CA10: variants seen among roughly 807,000 people sequenced by gnomAD.
The protein encoded by CA10 is carbonic anhydrase-related protein 10.
CA10 carries 14 observed loss-of-function variants against 44.2 expected under a neutral mutation model. That is an observed-to-expected ratio of 0.32 (90% CI 0.21 to 0.50). CA10 has a LOEUF of 0.50. Ranked by LOEUF, CA10 falls within the 20% of genes least tolerant of loss-of-function variation. The probability of loss-of-function intolerance (pLI) is 0.99; values close to 1 mark genes in which losing one functional copy is unlikely to be tolerated. For synonymous variants in CA10, 159 were observed against 141.6 expected (o/e 1.12, Z -0.87); for missense variants, 350 against 409.7 (o/e 0.85, Z 1.26).
intron 2 of CA10, among the ~76,000 whole-genome samples, chr17:52,009,211 T>C (rs867015668): frequency 1.3e-5 from 2 of 151,932 alleles, no homozygotes; most frequent in South Asian, 2.1e-4. Context: ...CGTGTCTCTT[T>C]TATGCCACTT....
In CA10 at chr17:51,776,175, C is replaced by T. The variant is rs143598675; in HGVS notation, c.280-28357G>A. Among the ~76,000 whole-genome samples, 121 of 152,190 alleles carry T rather than the reference C, an allele frequency of 8.0e-4. 1 individual carries two copies. Among genetic ancestry groups the T allele is most frequent in the African/African-American group, 2.2e-3 (92 of 41,524 alleles). On this transcript the variant is annotated intron_variant, in intron 3 of 8. Coordinates refer to ENST00000451037, the MANE Select transcript of CA10 (RefSeq NM_020178.5). The stretch of plus-strand genomic sequence containing the variant: ...AGGAGTTTGATACCAGCCTGACCAA[C>T]GTGGCAAAAGCCTGTCTCTACTAAA...
At chr17:51,712,525 C>T (rs1368170437) in intron 4 of CA10, among the ~76,000 whole-genome samples, 1 of 152,080 alleles carries the variant, frequency 6.6e-6, no homozygotes, top group African/African-American at 2.4e-5. Flanking sequence ...GATTAGAAGC[C>T]TCTGATAATA....
chr17:51,944,733 T>C (rs1211249841), intron 2 of CA10, among the ~76,000 whole-genome samples: 2 of 152,100 alleles, frequency 1.3e-5, no homozygotes, highest in African/African-American at 4.8e-5. Flanking sequence ...ATAGTGAAAT[T>C]ACAGGTGAAT....
At chr17:52,098,733 C>T (rs1443999856) in intron 1 of CA10, among the ~76,000 whole-genome samples, 1 of 152,146 alleles carries the variant, frequency 6.6e-6, no homozygotes, top group East Asian at 1.9e-4. Context: ...CTCTACCGGG[C>T]CAGTCCATAG....
At chr17:51,811,294 G>T (rs1435808446) in intron 3 of CA10, among the ~76,000 whole-genome samples, 1 of 143,414 alleles carries the variant, frequency 7.0e-6, no homozygotes, top group Admixed American at 7.0e-5. Context: ...ATGAGTGGCT[G>T]ATTTTTTTAT....
At chr17:51,831,716 A>AGCGGCGGCAGCGGCG (rs1418205699) in intron 3 of CA10, among the ~76,000 whole-genome samples, 3 of 111,174 alleles carry the variant, frequency 2.7e-5, no homozygotes, top group African/African-American at 9.2e-5. Context: ...CAGCAGCAGC[A>AGCGGCGGCAGCGGCG]GCAGCAGCAG....
intron 8 of CA10, among the ~76,000 whole-genome samples, chr17:51,631,924 G>A (rs1395944508): frequency 6.6e-6 from 1 of 152,168 alleles, no homozygotes; most frequent in Non-Finnish European, 1.5e-5. Flanking sequence ...AGTAGCTGCT[G>A]TATTGGGCAG....
chr17:51,868,883 G>GTTT (rs138620002), intron 3 of CA10, among the ~76,000 whole-genome samples: 15 of 148,664 alleles, frequency 1.0e-4, no homozygotes, highest in African/African-American at 3.7e-4. Flanking sequence ...GAAGCCAAAA[G>GTTT]TTTTTTTGTT....
At chr17:51,817,618 C>A (rs984599263) in intron 3 of CA10, among the ~76,000 whole-genome samples, 4 of 152,142 alleles carry the variant, frequency 2.6e-5, no homozygotes, top group Admixed American at 6.6e-5. Flanking sequence ...TTGTCACTTG[C>A]TTGAACTAGT....
chr17:51,931,580 C>T (rs1325903014), intron 2 of CA10, among the ~76,000 whole-genome samples: 2 of 152,128 alleles, frequency 1.3e-5, no homozygotes, highest in East Asian at 3.9e-4. Context: ...ATTCAGTGTA[C>T]ACAAAGTTTT....
chr17:51,824,836 C>G (rs977091782), intron 3 of CA10, among the ~76,000 whole-genome samples: 1 of 152,198 alleles, frequency 6.6e-6, no homozygotes, highest in Admixed American at 6.5e-5. Context: ...TGATCATATA[C>G]CACTGTGTGA....
At chr17:51,681,730 T>G (rs1280346704) in intron 4 of CA10, among the ~76,000 whole-genome samples, 1 of 152,206 alleles carries the variant, frequency 6.6e-6, no homozygotes, top group Non-Finnish European at 1.5e-5. Context: ...TTTTGTCACA[T>G]GGCTATATTG....
At chr17:51,807,217 G>A (rs1392184818) in intron 3 of CA10, among the ~76,000 whole-genome samples, 1 of 152,204 alleles carries the variant, frequency 6.6e-6, no homozygotes, top group African/African-American at 2.4e-5. Context: ...CGCTTCTGAA[G>A]CATGGAATTT....
intron 3 of CA10, among the ~76,000 whole-genome samples, chr17:51,790,623 C>T (rs2143696837): frequency 6.6e-6 from 1 of 152,300 alleles, no homozygotes. Flanking sequence ...ATTCCGTCTA[C>T]TCATCTTTAC....
At chr17:52,078,426 T>G (rs1394823838) in intron 1 of CA10, among the ~76,000 whole-genome samples, 1 of 152,212 alleles carries the variant, frequency 6.6e-6, no homozygotes, top group Non-Finnish European at 1.5e-5. Flanking sequence ...CAATTATACC[T>G]GTGCCAAGTG....
chr17:51,908,130 T>A (rs1342131765), intron 3 of CA10, among the ~76,000 whole-genome samples: 1 of 152,158 alleles, frequency 6.6e-6, no homozygotes, highest in Non-Finnish European at 1.5e-5. Flanking sequence ...TCCAGGCAAT[T>A]CCAACTTACA....
chr17:51,924,387 G>A (rs780470295), intron 3 of CA10, among the ~76,000 whole-genome samples: 3 of 152,152 alleles, frequency 2.0e-5, no homozygotes, highest in Admixed American at 6.5e-5. Flanking sequence ...TATTACAAGG[G>A]CTGTGAATGC....
At chr17:52,066,284 C>T (rs1199565958) in intron 2 of CA10, among the ~76,000 whole-genome samples, 1 of 152,110 alleles carries the variant, frequency 6.6e-6, no homozygotes, top group East Asian at 1.9e-4. Flanking sequence ...GTGGGAACTT[C>T]CTAGAGACTT....
intron 2 of CA10, among the ~76,000 whole-genome samples, chr17:52,020,035 C>T (rs1169701804): frequency 6.6e-6 from 1 of 151,844 alleles, no homozygotes; most frequent in African/African-American, 2.4e-5. Flanking sequence ...CTCTATTCTT[C>T]ACTTAGTTTT....
Sources: gnomAD v4.1 joint callset for allele counts (sites outside exome capture counted in the v4.1 genomes callset) on GRCh38, gnomAD v4.1.1 for gene constraint, MANE v1.5 for transcripts, NCBI Gene and HGNC (gene_info 2026-07-23, HGNC 2026-07-21) for gene names.